The following ACTR2 variants were observed in gnomAD, a reference collection of about 807,000 sequenced individuals.
ACTR2 encodes the protein actin-related protein 2.
A neutral mutation model predicts 50.2 loss-of-function variants in ACTR2; 5 were observed. The ratio of observed to expected loss-of-function variants is 0.10; its 90% CI spans 0.05 to 0.21. The LOEUF is 0.21. Ranked by LOEUF, ACTR2 falls within the 10% of genes least tolerant of loss-of-function variation. ACTR2 has a pLI of 1.00. For missense variants in ACTR2, 180 were observed against 480.6 expected (o/e 0.37, Z 5.85); for synonymous variants, 140 against 162.9 (o/e 0.86, Z 1.07).
At chr2:65,257,447 T>A (rs1246670834) in intron 6 of ACTR2, among the ~76,000 whole-genome samples, 1 of 152,248 alleles carries the variant, frequency 6.6e-6, no homozygotes, top group East Asian at 1.9e-4. Context: ...TGATTTATAA[T>A]CCTTTGGGTA....
chr2:65,247,825 G>A (rs1191899516), intron 3 of ACTR2, among the ~76,000 whole-genome samples: 1 of 152,226 alleles, frequency 6.6e-6, no homozygotes. Context: ...TCATGGATCA[G>A]CTGTAGATGC....
chr2:65,245,330 G>A (rs1671915631), intron 2 of ACTR2, among the ~76,000 whole-genome samples: 1 of 152,010 alleles, frequency 6.6e-6, no homozygotes, highest in South Asian at 2.1e-4. Flanking sequence ...GACCAGCTTG[G>A]CCAACATGGT....
intron 1 of ACTR2, among the ~76,000 whole-genome samples, 193 bp from the exon 2 acceptor site, chr2:65,239,659 C>T: frequency 6.6e-6 from 1 of 152,158 alleles, no homozygotes; most frequent in South Asian, 2.1e-4. Context: ...AACATGAACC[C>T]TGGAAGTAGG....
chr2:65,255,836 C>G, intron 6 of ACTR2, 142 bp downstream of exon 6: 2 of 588,842 alleles, frequency 3.4e-6, no homozygotes, highest in Non-Finnish European at 5.4e-6. Flanking sequence ...TTTAATGTCT[C>G]TTTCTACATT....
chr2:65,267,490 A>G (rs1436932588), intron 8 of ACTR2, among the ~76,000 whole-genome samples: 1 of 152,230 alleles, frequency 6.6e-6, no homozygotes, highest in Non-Finnish European at 1.5e-5. Flanking sequence ...AGAATGACAT[A>G]GTTACATTGG....
At chr2:65,267,638 C>T (rs1672398421) in intron 8 of ACTR2, among the ~76,000 whole-genome samples, 1 of 152,062 alleles carries the variant, frequency 6.6e-6, no homozygotes, top group South Asian at 2.1e-4. Context: ...GAGTATAAAA[C>T]TTTTCCCAAT....
intron 7 of ACTR2, among the ~76,000 whole-genome samples, chr2:65,262,619 T>A (rs1474945148): frequency 6.6e-6 from 1 of 152,104 alleles, no homozygotes; most frequent in Admixed American, 6.6e-5. Flanking sequence ...ATCTGATGAG[T>A]GAGAAATTAT....
intron 7 of ACTR2, among the ~76,000 whole-genome samples, chr2:65,262,414 A>AT (rs1412100927): frequency 9.5e-6 from 1 of 105,336 alleles, no homozygotes; most frequent in Non-Finnish European, 2.1e-5. Context: ...TTTTTTTTGT[A>AT]TTTTTTAGTA....
chr2:65,262,678 C>CCAGG (rs1672290988), intron 7 of ACTR2, among the ~76,000 whole-genome samples: 2 of 152,050 alleles, frequency 1.3e-5, no homozygotes, highest in African/African-American at 2.4e-5. Flanking sequence ...TGAAGTCAAA[C>CCAGG]CAGGGGTGGT....
chr2:65,230,994 C>T (rs1035731876), intron 1 of ACTR2, among the ~76,000 whole-genome samples: 1 of 150,206 alleles, frequency 6.7e-6, no homozygotes, highest in African/African-American at 2.5e-5. Flanking sequence ...GCAGAGGTTG[C>T]AGTGAGCCAA....
chr2:65,261,054 A>G (rs992380930), intron 6 of ACTR2, among the ~76,000 whole-genome samples, 193 bp from the exon 7 acceptor site: 13 of 151,998 alleles, frequency 8.6e-5, no homozygotes, highest in Non-Finnish European at 1.5e-4. Context: ...TAAAAGCAAA[A>G]CAGAATGTGA....
Position 65,269,284 on chromosome 2 carries a change from A to G in ACTR2, c.*550A>G, listed in dbSNP as rs1190194900. ...TTAGGGAAATGTTAGGTTCAGAACTAAAGTGTTTTGGGTGGGTTTTGTTGC... is the reference window on the plus strand; with the variant it reads ...TTAGGGAAATGTTAGGTTCAGAACTGAAGTGTTTTGGGTGGGTTTTGTTGC... On this transcript the variant is annotated 3_prime_UTR_variant, in exon 9 of 9. Coordinates refer to ENST00000260641, the MANE Select transcript of ACTR2 (RefSeq NM_005722.4). The G allele has an allele frequency of 6.6e-6, 1 of 151,368 alleles. No homozygotes were observed. The highest frequency in any genetic ancestry group is 1.5e-5 in the Non-Finnish European group (1 of 67,890). The allele number at this position is 151,368 out of a possible 1,614,324, so 9.4% of individuals were successfully genotyped here.
At chr2:65,247,443 C>A (rs1393018447) in intron 3 of ACTR2, among the ~76,000 whole-genome samples, 1 of 152,018 alleles carries the variant, frequency 6.6e-6, no homozygotes, top group African/African-American at 2.4e-5. Flanking sequence ...AAAAAATTAG[C>A]CGGGCGTGGT....
At position 65,268,100 on chromosome 2, in the gene ACTR2, G is replaced by A. The variant is rs540255316; in HGVS notation, c.1015-464G>A. On this transcript the variant is annotated intron_variant, in intron 8 of 8. Transcript: ENST00000260641. ...GATCCGCCCGCCTTGGCCTCCCAAA[G>A]TGCTGGGATTACACTTGAGCCACCA... 4.6e-5 allele frequency among the ~76,000 whole-genome samples: 7 copies of A among 151,976 alleles called. No individual in the cohort carries two copies. The South Asian group carries it at 1.5e-3, about 32-fold the overall frequency.
intron 3 of ACTR2, among the ~76,000 whole-genome samples, chr2:65,247,305 A>G (rs984732518): frequency 6.6e-6 from 1 of 152,218 alleles, no homozygotes; most frequent in East Asian, 1.9e-4. Flanking sequence ...TAAGAAAATC[A>G]TGGCCGGGCG....
At chr2:65,248,009 G>C (rs1303738227) in intron 3 of ACTR2, among the ~76,000 whole-genome samples, 1 of 152,136 alleles carries the variant, frequency 6.6e-6, no homozygotes, top group Non-Finnish European at 1.5e-5. Context: ...GAACAAGCTT[G>C]GTATATTAAA....
chr2:65,242,139 C>T, intron 2 of ACTR2: 2 of 1,090,736 alleles, frequency 1.8e-6, no homozygotes, highest in South Asian at 1.4e-5. Flanking sequence ...TTTTGTGTCC[C>T]TTTAGTATTG....
intron 1 of ACTR2, among the ~76,000 whole-genome samples, chr2:65,235,055 A>G (rs1289673639): frequency 6.6e-6 from 1 of 152,170 alleles, no homozygotes; most frequent in African/African-American, 2.4e-5. Flanking sequence ...ATGTGGGAAC[A>G]ATAGGGATAA....
At chr2:65,265,201 C>A (rs1212010285) in intron 8 of ACTR2, 26 bp downstream of exon 8, 1 of 1,613,144 alleles carries the variant, frequency 6.2e-7, no homozygotes, top group South Asian at 1.1e-5. Context: ...TCAACTATTA[C>A]TAACATTCTT....
Sources: allele counts gnomAD v4.1 joint callset (sites outside exome capture counted in the v4.1 genomes callset), GRCh38; gene constraint gnomAD v4.1.1; transcripts MANE v1.5; gene names NCBI Gene and HGNC (gene_info 2026-07-23, HGNC 2026-07-21).